RASGRP3: variants seen among roughly 807,000 people sequenced by gnomAD.
The protein encoded by RASGRP3 is RAS guanyl releasing protein 3, also known as ras guanyl-releasing protein 3.
Under a neutral mutation model 82.7 loss-of-function variants are expected in RASGRP3, and 54 were observed. That is an observed-to-expected ratio of 0.65 (90% confidence interval 0.52 to 0.82). RASGRP3 has a LOEUF of 0.82. Ranked by LOEUF, RASGRP3 falls within the 40% of genes least tolerant of loss-of-function variation. The probability of loss-of-function intolerance (pLI) is 0.00; values close to 1 mark genes in which losing one functional copy is unlikely to be tolerated. For missense variants in RASGRP3, 861 were observed against 828.9 expected, an observed-to-expected ratio of 1.04 and a Z score of -0.48; for synonymous variants, 309 against 300.5, an observed-to-expected ratio of 1.03 and a Z score of -0.29.
At chr2:33,555,387 C>T (rs1675837550) in intron 14 of RASGRP3, 144 bp from the exon 15 acceptor site, 1 of 547,154 alleles carries the variant, frequency 1.8e-6, no homozygotes, top group Non-Finnish European at 3.2e-6. Context: ...GTTCTTCTAT[C>T]TGGCAGGAAG....
chr2:33,510,534 A>G (rs939621408), intron 1 of RASGRP3, among the ~76,000 whole-genome samples: 1 of 152,152 alleles, frequency 6.6e-6, no homozygotes, highest in Admixed American at 6.5e-5. Flanking sequence ...TTTTCTTCGA[A>G]TATCTTTTCT....
intron 12 of RASGRP3, among the ~76,000 whole-genome samples, chr2:33,542,039 G>C (rs1017982178): frequency 6.8e-6 from 1 of 146,866 alleles, no homozygotes; most frequent in Non-Finnish European, 1.5e-5. Context: ...CTAGGAGTTT[G>C]AGGCTGCAGT....
chr2:33,522,351 T>C (rs951193433), intron 7 of RASGRP3, among the ~76,000 whole-genome samples: 1 of 152,240 alleles, frequency 6.6e-6, no homozygotes, highest in African/African-American at 2.4e-5. Flanking sequence ...AAGCGTGATT[T>C]TTCTAAACAG....
At chr2:33,527,061 A>G in intron 9 of RASGRP3, 76 bp from the exon 10 acceptor site, 2 of 1,458,540 alleles carry the variant, frequency 1.4e-6, no homozygotes, top group Non-Finnish European at 1.9e-6. Flanking sequence ...GGAATTTCCT[A>G]GCCACACATT....
At chr2:33,450,822 CTTTTTTTTTTTTTTTTT>C (rs1170217165) in intron 2 of RASGRP3, among the ~76,000 whole-genome samples, 5 of 18,978 alleles carry the variant, frequency 2.6e-4, no homozygotes, top group South Asian at 3.1e-3. Flanking sequence ...TTCTTTCTTT[CTTTTTTTTTTTTTTTTT>C]TTTTTTTTTT....
rs182518678 is a variant in RASGRP3, at chr2:33,467,544, G to A, written c.-261+19601G>A. Among the ~76,000 whole-genome samples, 203 of 152,304 alleles carry A rather than the reference G, an allele frequency of 1.3e-3. 3 individuals carry two copies. In the South Asian group the frequency reaches 0.014, roughly 11 times the overall value. Reference sequence around the variant, plus strand: ...TTTACTGAGCTGGAGGAATATGAGAGAATGTTGCATACAAAGTCTCCTAAA... The same window carrying A: ...TTTACTGAGCTGGAGGAATATGAGAAAATGTTGCATACAAAGTCTCCTAAA... On this transcript the variant is annotated intron_variant, in intron 2 of 18. Coordinates refer to the RASGRP3 transcript ENST00000402538.
At chr2:33,483,647 C>A (rs1553340579) in intron 1 of RASGRP3, among the ~76,000 whole-genome samples, 1 of 152,022 alleles carries the variant, frequency 6.6e-6, no homozygotes, top group Non-Finnish European at 1.5e-5. Flanking sequence ...TGCCACCATG[C>A]CTGGCTAATT....
intron 17 of RASGRP3, chr2:33,559,721 C>A: frequency 2.1e-6 from 1 of 483,176 alleles, no homozygotes; most frequent in Non-Finnish European, 4.1e-6. Context: ...ACATTTAAAG[C>A]AATGTCATGG....
intron 2 of RASGRP3, among the ~76,000 whole-genome samples, chr2:33,464,877 C>G (rs1666599185): frequency 1.3e-5 from 2 of 152,204 alleles, no homozygotes; most frequent in African/African-American, 4.8e-5. Flanking sequence ...CATATTCTGA[C>G]TGCTCTACAA....
At chr2:33,476,743 C>CTT (rs1408061220) in intron 1 of RASGRP3, 36 bp downstream of exon 1, 1 of 131,756 alleles carries the variant, frequency 7.6e-6, no homozygotes, top group African/African-American at 3.2e-5. Context: ...CTCTCTCTCT[C>CTT]TTTCATTCCC....
At chr2:33,448,018 A>T (rs1292535791) in intron 2 of RASGRP3, 1 of 152,148 alleles carries the variant, frequency 6.6e-6, no homozygotes, top group African/African-American at 2.4e-5. Context: ...ATCTGATCAC[A>T]TGTTTTCAAC....
chr2:33,460,534 A>G (rs1295919318), intron 2 of RASGRP3, among the ~76,000 whole-genome samples: 1 of 140,120 alleles, frequency 7.1e-6, no homozygotes, highest in Non-Finnish European at 1.5e-5. Flanking sequence ...TTTTTTTTTG[A>G]GACAGAGTCT....
chr2:33,509,312 G>A (rs766302384), intron 1 of RASGRP3, among the ~76,000 whole-genome samples: 1 of 151,992 alleles, frequency 6.6e-6, no homozygotes, highest in Non-Finnish European at 1.5e-5. Context: ...TGAGGTGGGA[G>A]AATCACTTGA....
At chr2:33,440,128 C>A (rs1665147671) in intron 1 of RASGRP3, among the ~76,000 whole-genome samples, 1 of 151,972 alleles carries the variant, frequency 6.6e-6, no homozygotes, top group Non-Finnish European at 1.5e-5. Flanking sequence ...TGGTTTCAAA[C>A]ACAGGAAATT....
intron 1 of RASGRP3, among the ~76,000 whole-genome samples, chr2:33,438,808 A>G (rs1281042900): frequency 1.3e-5 from 2 of 151,668 alleles, no homozygotes; most frequent in African/African-American, 2.4e-5. Context: ...ATGTGTTTAC[A>G]GTTTACATAA....
intron 2 of RASGRP3, among the ~76,000 whole-genome samples, chr2:33,456,934 G>C (rs1049288088): frequency 7.0e-5 from 9 of 129,292 alleles, no homozygotes; most frequent in African/African-American, 2.4e-4. Flanking sequence ...GATGGAGTCT[G>C]GCTCTGTCAC....
At chr2:33,472,505 G>T (rs933860150), upstream of RASGRP3, among the ~76,000 whole-genome samples, 1 of 152,160 alleles carries the variant, frequency 6.6e-6, no homozygotes, top group African/African-American at 2.4e-5. Flanking sequence ...CAGAACATAT[G>T]AGGGGCGGTA....
chr2:33,524,906 C>T (rs1672379095), intron 9 of RASGRP3, among the ~76,000 whole-genome samples: 2 of 151,622 alleles, frequency 1.3e-5, no homozygotes, highest in Non-Finnish European at 2.9e-5. Flanking sequence ...GGTGAAACCC[C>T]GTCTCTACTA....
chr2:33,552,353 T>C (rs537738007), intron 14 of RASGRP3, among the ~76,000 whole-genome samples: 2 of 152,366 alleles, frequency 1.3e-5, no homozygotes, highest in East Asian at 3.9e-4. Flanking sequence ...TGTTGTTGCA[T>C]GATAAAATAC....
Sources: allele counts gnomAD v4.1 joint callset (sites outside exome capture counted in the v4.1 genomes callset), GRCh38; gene constraint gnomAD v4.1.1; transcripts MANE v1.5; gene names NCBI Gene and HGNC (gene_info 2026-07-23, HGNC 2026-07-21).